SFXN4: variants seen among roughly 807,000 people sequenced by gnomAD.
SFXN4 encodes the protein sideroflexin-4.
SFXN4 carries 48 observed loss-of-function variants against 54.6 expected under a neutral mutation model. That is an observed-to-expected ratio of 0.88 (90% CI 0.70 to 1.12). The LOEUF (loss-of-function observed/expected upper bound fraction) is 1.12. SFXN4 is among the 50% of genes most tolerant of loss of function. The pLI, the probability that SFXN4 is intolerant of heterozygous loss-of-function variation, is 0.00. For missense variants in SFXN4, 383 were observed against 409.2 expected, an observed-to-expected ratio of 0.94 and a Z score of 0.55; for synonymous variants, 130 against 145.5, an observed-to-expected ratio of 0.89 and a Z score of 0.77.
chr10:119,163,933 G>A (rs762798797), intron 2 of SFXN4, among the ~76,000 whole-genome samples, 198 bp downstream of exon 2: 14 of 151,438 alleles, frequency 9.2e-5, no homozygotes, highest in East Asian at 1.9e-4. Flanking sequence ...CCAGCTACTC[G>A]GAAGGCTGAG....
rs756007851 is a variant in SFXN4, at chr10:119,160,954, C to CGGGAT, written c.290_294dup (p.Asp99IlefsTer7). On this transcript the variant is annotated frameshift_variant, in exon 5 of 14. Transcript: ENST00000355697. LOFTEE classifies it high-confidence loss of function. ...AGCTTGGGGATCAGGTTGCTGCTGTCGGGATGCACTGTTGCCTTCAAAAGG... is the reference window on the plus strand; with the variant it reads ...AGCTTGGGGATCAGGTTGCTGCTGTCGGGATGGGATGCACTGTTGCCTTCAAAAGG... 5 of 1,614,082 alleles carry CGGGAT rather than the reference C, an allele frequency of 3.1e-6. No homozygotes were observed. Among genetic ancestry groups the CGGGAT allele is most frequent in the Non-Finnish European group, 4.2e-6 (5 of 1,180,024 alleles).
At chr10:119,159,662 G>A in intron 6 of SFXN4, 66 bp downstream of exon 6, 1 of 1,541,838 alleles carries the variant, frequency 6.5e-7, no homozygotes, top group African/African-American at 1.4e-5. Context: ...CACAGCTGAG[G>A]TTAGGAGGAG....
intron 12 of SFXN4, among the ~76,000 whole-genome samples, chr10:119,146,965 C>T (rs1041383861): frequency 1.3e-5 from 2 of 152,192 alleles, no homozygotes; most frequent in East Asian, 3.8e-4. Context: ...AGGCATGCGA[C>T]CTAACTCAGG....
intron 6 of SFXN4, 54 bp downstream of exon 6, chr10:119,159,674 G>C (rs1407696621): frequency 5.1e-6 from 8 of 1,582,582 alleles, no homozygotes; most frequent in Middle Eastern, 1.7e-4. Context: ...TAGGAGGAGA[G>C]TGGCCATCTT....
rs756827585 is a variant in SFXN4 at position 119,157,991 on chromosome 10, A to G, written c.414+18T>C. On this transcript the variant is annotated intron_variant, in intron 7 of 13. Transcript: ENST00000355697. ...GCATAACAGAATTTAGTAATCGTGA[A>G]ACAGGAAGAATGGCTACCTGAGGTA... 23 of 1,614,084 alleles carry G rather than the reference A, an allele frequency of 1.4e-5. No individual in the cohort carries two copies. Among genetic ancestry groups the G allele is most frequent in the Non-Finnish European group, 1.9e-5 (22 of 1,180,002 alleles).
chr10:119,144,871 C>G (rs10886403), intron 13 of SFXN4, among the ~76,000 whole-genome samples: 48,515 of 152,014 alleles, frequency 0.32, 7,948 homozygotes, highest in African/African-American at 0.39. Context: ...TCATGGCTAC[C>G]ATAATTGGAC....
chr10:119,165,144 C>T (rs1465455599), intron 1 of SFXN4: 13 of 966,804 alleles, frequency 1.3e-5, no homozygotes, highest in African/African-American at 1.8e-5. Flanking sequence ...TGCTTATGTC[C>T]TGCCCAAGGG....
At chr10:119,154,139 T>C (rs1847183852) in intron 11 of SFXN4, among the ~76,000 whole-genome samples, 1 of 150,952 alleles carries the variant, frequency 6.6e-6, no homozygotes. Context: ...GATCACGCCA[T>C]TGCACTCCAG....
At chr10:119,161,213 G>A in intron 3 of SFXN4, 132 bp from the exon 4 acceptor site, 1 of 796,858 alleles carries the variant, frequency 1.3e-6, no homozygotes, top group Non-Finnish European at 2.0e-6. Flanking sequence ...CGAACTACTG[G>A]GTTCAAACGA....
chr10:119,157,985 T>A (rs1847342178), intron 7 of SFXN4, 24 bp downstream of exon 7: 4 of 1,614,134 alleles, frequency 2.5e-6, no homozygotes, highest in Non-Finnish European at 3.4e-6. Context: ...AATTTAGTAA[T>A]CGTGAAACAG....
intron 9 of SFXN4, among the ~76,000 whole-genome samples, chr10:119,157,027 T>G (rs3818794): frequency 1.8e-4 from 27 of 152,122 alleles, no homozygotes; most frequent in Middle Eastern, 3.4e-3. Flanking sequence ...GCTTGTCTGA[T>G]GCCAACATCT....
rs768648643 is a variant in SFXN4, at chr10:119,147,889, G to C, written c.733-29C>G. 5.7e-6 allele frequency: 9 copies of C among 1,583,152 alleles called. 1 individual carries two copies. The South Asian group carries it at 1.0e-4, about 18-fold the overall frequency. On this transcript the variant is annotated intron_variant, in intron 11 of 13. Transcript: ENST00000355697. Reference sequence around the variant, plus strand: ...GCAAAAATGAAAAGAAAACAGCTTAGGTTGGGCACGGTGGCTCACGCCTGT... The same window carrying C: ...GCAAAAATGAAAAGAAAACAGCTTACGTTGGGCACGGTGGCTCACGCCTGT...
In SFXN4 at chr10:119,147,720, TTTA is replaced by T. The variant is rs1369325994; in HGVS notation, c.818+52_818+54del. On this transcript the variant is annotated intron_variant, in intron 12 of 13. Transcript: ENST00000355697. ...CCACCAGGGTCAGTATCTGACAGGT[TTTA>T]TAAGGATTTGACTTTCAAATCCCTA... The T allele has an allele frequency of 1.1e-5, 17 of 1,504,160 alleles. No individual in the cohort carries two copies. In the Middle Eastern group the frequency reaches 5.1e-4, roughly 45 times the overall value. The allele number at this position is 1,504,160 out of a possible 1,614,324, so 93.2% of individuals were successfully genotyped here.
intron 11 of SFXN4, among the ~76,000 whole-genome samples, chr10:119,152,298 G>C (rs1196956036): frequency 3.4e-5 from 5 of 146,760 alleles, no homozygotes; most frequent in Non-Finnish European, 6.0e-5. Context: ...TGTTATTTTT[G>C]AGATGGGGTC....
chr10:119,151,510 AT>A lies in SFXN4; in HGVS notation c.732+3551del, dbSNP rs754336726. Among the ~76,000 whole-genome samples the A allele has an allele frequency of 2.0e-4, 31 of 151,802 alleles. 1 individual carries two copies. In the East Asian group the frequency reaches 2.7e-3, roughly 13 times the overall value. The stretch of plus-strand genomic sequence containing the variant: ...GTGGTGATGGTCACACAACTGTTTC[AT>A]TTATTTATTATTATTATTTTTTGAG... On this transcript the variant is annotated intron_variant, in intron 11 of 13. Coordinates refer to ENST00000355697, the MANE Select transcript of SFXN4 (RefSeq NM_213649.2).
At chr10:119,154,006 C>T (rs901712737) in intron 11 of SFXN4, among the ~76,000 whole-genome samples, 1 of 151,930 alleles carries the variant, frequency 6.6e-6, no homozygotes, top group Non-Finnish European at 1.5e-5. Context: ...GGTGAAACCC[C>T]ACCTCTACTA....
intron 11 of SFXN4, among the ~76,000 whole-genome samples, chr10:119,153,555 A>G (rs1344944801): frequency 6.6e-6 from 1 of 152,226 alleles, no homozygotes; most frequent in Non-Finnish European, 1.5e-5. Flanking sequence ...GTCCTTAGCA[A>G]TGAAGACTAT....
chr10:119,144,894 T>C (rs956580229), intron 13 of SFXN4, among the ~76,000 whole-genome samples: 1 of 152,176 alleles, frequency 6.6e-6, no homozygotes, highest in African/African-American at 2.4e-5. Flanking sequence ...CACCAATCTA[T>C]TATAGAACAT....
chr10:119,163,892 T>C (rs1239812873), intron 2 of SFXN4, among the ~76,000 whole-genome samples: 2 of 151,842 alleles, frequency 1.3e-5, no homozygotes, highest in African/African-American at 4.8e-5. Flanking sequence ...AATACAAAAT[T>C]AGCCGGGCAT....
Sources: allele counts gnomAD v4.1 joint callset (sites outside exome capture counted in the v4.1 genomes callset), GRCh38; gene constraint gnomAD v4.1.1; transcripts MANE v1.5; gene names NCBI Gene and HGNC (gene_info 2026-07-23, HGNC 2026-07-21).